CFAP77: variants seen among roughly 807,000 people sequenced by gnomAD.
CFAP77 encodes cilia and flagella associated protein 77.
A neutral mutation model predicts 31.1 loss-of-function variants in CFAP77; 25 were observed. The ratio of observed to expected loss-of-function variants is 0.80; its 90% confidence interval spans 0.59 to 1.12. The LOEUF (loss-of-function observed/expected upper bound fraction) is 1.12. Among genes scored for constraint, CFAP77 ranks in the 50% most tolerant of loss-of-function variants. The probability of loss-of-function intolerance (pLI) is 0.00; values close to 1 mark genes in which losing one functional copy is unlikely to be tolerated. For synonymous variants in CFAP77, 151 were observed against 159.9 expected (o/e 0.94, Z 0.42); for missense variants, 377 against 397.3 (o/e 0.95, Z 0.44).
At chr9:132,450,707 C>A (rs1405761286) in intron 1 of CFAP77, among the ~76,000 whole-genome samples, 1 of 152,174 alleles carries the variant, frequency 6.6e-6, no homozygotes, top group Non-Finnish European at 1.5e-5. Context: ...ATACTGTAGG[C>A]CATGAGATGC....
At chr9:132,505,929 CAA>C (rs1851924253) in intron 3 of CFAP77, among the ~76,000 whole-genome samples, 1 of 152,206 alleles carries the variant, frequency 6.6e-6, no homozygotes, top group African/African-American at 2.4e-5. Context: ...CCACCGCTAA[CAA>C]AAGCTGCTCT....
At chr9:132,479,534 T>G (rs184285945) in intron 1 of CFAP77, among the ~76,000 whole-genome samples, 201 of 152,338 alleles carry the variant, frequency 1.3e-3, no homozygotes, top group African/African-American at 4.6e-3. Context: ...TCCAACCTGC[T>G]GCAGCGCATT....
In CFAP77 at chr9:132,455,363, C is replaced by T. The variant is rs574522368; in HGVS notation, c.196-43332C>T. On this transcript the variant is annotated intron_variant, in intron 1 of 5. Coordinates refer to ENST00000393216, the MANE Select transcript of CFAP77 (RefSeq NM_001282957.2). This position sits in a 1 kb window ranked among gnomAD's most constrained non-coding sequence, Gnocchi z 4.1. ...CTCTACTAAAAATACAAAAATTAGC[C>T]AGGTGTGGTGGCGGGCACCTGATAT... 7.9e-5 allele frequency among the ~76,000 whole-genome samples: 12 copies of T among 152,102 alleles called. No individual in the cohort carries two copies. The highest frequency in any genetic ancestry group is 1.3e-4 in the Non-Finnish European group (9 of 67,988).
chr9:132,440,830 C>T (rs1349292518), intron 1 of CFAP77, among the ~76,000 whole-genome samples: 6 of 152,110 alleles, frequency 3.9e-5, no homozygotes, highest in Non-Finnish European at 8.8e-5. Flanking sequence ...GGATCTGAAC[C>T]TGGGTCGGAC....
intron 1 of CFAP77, among the ~76,000 whole-genome samples, chr9:132,460,234 G>A (rs1484340830): frequency 2.0e-5 from 3 of 152,144 alleles, no homozygotes; most frequent in Non-Finnish European, 4.4e-5. Flanking sequence ...CGGTCAGACT[G>A]CCTGGCCACC....
chr9:132,482,469 G>A, intron 1 of CFAP77: 1 of 1,505,418 alleles, frequency 6.6e-7, no homozygotes, highest in Non-Finnish European at 9.2e-7. Context: ...AAGGGGAAAA[G>A]AGGGGCCCCT....
chr9:132,416,543 G>A (rs148670759), intron 1 of CFAP77, among the ~76,000 whole-genome samples: 3,006 of 151,486 alleles, frequency 0.02, 96 homozygotes, highest in African/African-American at 0.069. Context: ...GGGTTTCTCT[G>A]TGTTGGTCAG....
intron 1 of CFAP77, among the ~76,000 whole-genome samples, chr9:132,426,256 A>G (rs920579889): frequency 6.6e-6 from 1 of 152,226 alleles, no homozygotes; most frequent in East Asian, 1.9e-4. Context: ...ACCAATTTTG[A>G]GTTAGGAAAT....
intron 1 of CFAP77, among the ~76,000 whole-genome samples, chr9:132,466,095 C>CT (rs1198532949): frequency 6.6e-6 from 1 of 152,108 alleles, no homozygotes; most frequent in East Asian, 1.9e-4. Flanking sequence ...GACATGAGCA[C>CT]TTTTTTTTAA....
At chr9:132,568,711 A>AT (rs1162669857) in intron 5 of CFAP77, among the ~76,000 whole-genome samples, 4 of 151,646 alleles carry the variant, frequency 2.6e-5, no homozygotes, top group South Asian at 2.1e-4. Flanking sequence ...TTTGGAATAG[A>AT]TTTTTTTTTG....
chr9:132,510,082 G>A (rs968052471), intron 3 of CFAP77, among the ~76,000 whole-genome samples: 1 of 152,164 alleles, frequency 6.6e-6, no homozygotes, highest in Non-Finnish European at 1.5e-5. Flanking sequence ...AAGCAGGGAG[G>A]GCTCAGGGAG....
intron 1 of CFAP77, among the ~76,000 whole-genome samples, chr9:132,442,093 C>T (rs971576148): frequency 1.3e-5 from 2 of 152,186 alleles, no homozygotes; most frequent in Non-Finnish European, 2.9e-5. Context: ...ACTAGGAATA[C>T]AGGCGGTAAG....
chr9:132,521,682 CT>C (rs1209031467), intron 3 of CFAP77, among the ~76,000 whole-genome samples: 3 of 150,882 alleles, frequency 2.0e-5, no homozygotes, highest in Admixed American at 6.6e-5. Flanking sequence ...AGGGACTGAG[CT>C]GGAGACCCTC....
chr9:132,488,215 C>T (rs998864308), intron 1 of CFAP77, among the ~76,000 whole-genome samples: 4 of 152,070 alleles, frequency 2.6e-5, no homozygotes, highest in Non-Finnish European at 2.9e-5. Context: ...GGGGCTAGCT[C>T]GTGATGGAAT....
chr9:132,560,082 G>A (rs1852969009), intron 5 of CFAP77, among the ~76,000 whole-genome samples: 1 of 152,192 alleles, frequency 6.6e-6, no homozygotes, highest in African/African-American at 2.4e-5. Context: ...GTGATGAAAT[G>A]TTCTAAACTT....
chr9:132,440,897 A>G (rs1850604448), intron 1 of CFAP77, among the ~76,000 whole-genome samples: 2 of 152,160 alleles, frequency 1.3e-5, no homozygotes, highest in Admixed American at 1.3e-4. Flanking sequence ...AGTCTGGACC[A>G]TTCCTCTTCA....
In CFAP77 at chr9:132,489,711, C is replaced by T. The variant is rs11243795; in HGVS notation, c.196-8984C>T. Among the ~76,000 whole-genome samples, 3,640 of 152,274 alleles carry T rather than the reference C, an allele frequency of 0.024. 450 individuals carry two copies. The East Asian group carries it at 0.38, about 16-fold the overall frequency. ...TCCACATGGCCCAATAGCCAGGCCA[C>T]GCCAGCTGTCCCAGGACCTTTGCAC... On this transcript the variant is annotated intron_variant, in intron 1 of 5. Transcript: ENST00000393216.
At chr9:132,535,910 C>T (rs79845879) in intron 3 of CFAP77, among the ~76,000 whole-genome samples, 2,788 of 152,158 alleles carry the variant, frequency 0.018, 94 homozygotes, top group African/African-American at 0.064. Flanking sequence ...AAAACTATAA[C>T]ACAAAGTCTA....
intron 3 of CFAP77, among the ~76,000 whole-genome samples, chr9:132,502,651 G>A (rs1348144730): frequency 6.6e-6 from 1 of 152,206 alleles, no homozygotes; most frequent in Non-Finnish European, 1.5e-5. Flanking sequence ...TAGCACGCAT[G>A]TGAATTTCAT....
Sources: gnomAD v4.1 joint callset for allele counts (sites outside exome capture counted in the v4.1 genomes callset) on GRCh38, gnomAD v4.1.1 for gene constraint, Gnocchi (gnomAD v3.1) non-coding constraint, MANE v1.5 for transcripts, NCBI Gene and HGNC (gene_info 2026-07-23, HGNC 2026-07-21) for gene names.